The following REEP3 variants were observed in gnomAD, a reference collection of about 807,000 sequenced individuals.
The protein encoded by REEP3 is receptor accessory protein 3.
REEP3 carries 20 observed loss-of-function variants against 41.3 expected under a neutral mutation model. The observed-to-expected ratio is 0.48, with a 90% CI of 0.34 to 0.70. The LOEUF (loss-of-function observed/expected upper bound fraction) is 0.70. REEP3 is among the 30% of genes least tolerant of loss of function. The pLI, the probability that REEP3 is intolerant of heterozygous loss-of-function variation, is 0.01. For missense variants in REEP3, 271 were observed against 308.8 expected (o/e 0.88, Z 0.92); for synonymous variants, 104 against 101.8 (o/e 1.02, Z -0.13).
At chr10:63,595,664 C>T (rs1250706567) in intron 3 of REEP3, among the ~76,000 whole-genome samples, 2 of 152,026 alleles carry the variant, frequency 1.3e-5, no homozygotes. Context: ...GCAACCTCTA[C>T]CTCCCGGGTT....
intron 1 of REEP3, among the ~76,000 whole-genome samples, chr10:63,552,402 C>T (rs1000071449): frequency 2.0e-5 from 3 of 151,964 alleles, no homozygotes; most frequent in Non-Finnish European, 4.4e-5. Context: ...CAGAGCAAGA[C>T]TCCGTCTCAA....
chr10:63,597,933 T>G, intron 3 of REEP3, 91 bp from the exon 4 acceptor site: 1 of 1,063,942 alleles, frequency 9.4e-7, no homozygotes, highest in Non-Finnish European at 1.3e-6. Context: ...AAAAACAGCA[T>G]AGTGACTGAA....
At chr10:63,562,894 C>G (rs1466884824) in intron 1 of REEP3, 4 of 456,058 alleles carry the variant, frequency 8.8e-6, no homozygotes, top group Non-Finnish European at 1.8e-5. Flanking sequence ...TAACCCCCTG[C>G]GCATCAGAAT....
chr10:63,579,904 G>T (rs558586948), intron 2 of REEP3, among the ~76,000 whole-genome samples: 142 of 152,262 alleles, frequency 9.3e-4, no homozygotes, highest in African/African-American at 3.4e-3. Context: ...CACCCTCACT[G>T]CAGGGAGACC....
intron 2 of REEP3, among the ~76,000 whole-genome samples, chr10:63,593,756 A>G (rs1374210944): frequency 6.6e-6 from 1 of 152,226 alleles, no homozygotes; most frequent in African/African-American, 2.4e-5. Context: ...ATAGGTCCCA[A>G]GAGAAGGCAG....
chr10:63,593,061 C>A (rs1956080134), intron 2 of REEP3, among the ~76,000 whole-genome samples: 1 of 152,198 alleles, frequency 6.6e-6, no homozygotes, highest in South Asian at 2.1e-4. Flanking sequence ...CGCCTGTAAT[C>A]CCAGCACTTC....
intron 2 of REEP3, among the ~76,000 whole-genome samples, chr10:63,584,641 G>A (rs1360144546): frequency 6.6e-6 from 1 of 151,900 alleles, no homozygotes; most frequent in Non-Finnish European, 1.5e-5. Context: ...TGGAGTGGGG[G>A]GGGAATCATT....
At chr10:63,549,940 A>G (rs76545709) in intron 1 of REEP3, among the ~76,000 whole-genome samples, 51 of 152,284 alleles carry the variant, frequency 3.3e-4, no homozygotes, top group African/African-American at 1.1e-3. Context: ...GTGCTTTTCA[A>G]ATTATGTTCT....
chr10:63,574,700 G>A (rs893291039), intron 2 of REEP3, among the ~76,000 whole-genome samples: 1 of 151,936 alleles, frequency 6.6e-6, no homozygotes, highest in Non-Finnish European at 1.5e-5. Context: ...TTCTTACTCT[G>A]TATCCAGACC....
At chr10:63,537,644 C>T (rs1163948953) in intron 1 of REEP3, among the ~76,000 whole-genome samples, 1 of 152,124 alleles carries the variant, frequency 6.6e-6, no homozygotes, top group Non-Finnish European at 1.5e-5. Context: ...CTTAGAGAAG[C>T]AGGGAGCAGG....
intron 5 of REEP3, among the ~76,000 whole-genome samples, chr10:63,602,914 C>G (rs1436840265): frequency 2.0e-5 from 3 of 152,158 alleles, no homozygotes; most frequent in African/African-American, 7.2e-5. Context: ...TAGCCCTCAC[C>G]TGCACAATCT....
chr10:63,595,557 G>A (rs1411258109), intron 3 of REEP3, among the ~76,000 whole-genome samples: 3 of 151,798 alleles, frequency 2.0e-5, no homozygotes, highest in Non-Finnish European at 4.4e-5. Flanking sequence ...GTCTAAATTA[G>A]CCTAACAATT....
chr10:63,606,219 T>TAGG (rs1956223710), intron 5 of REEP3: 1 of 268,640 alleles, frequency 3.7e-6, no homozygotes, highest in Non-Finnish European at 5.7e-6. Flanking sequence ...CTTTATTGAC[T>TAGG]AAGACCGCTG....
At position 63,584,637 on chromosome 10, in the gene REEP3, G is replaced by T. The variant is rs12765951; in HGVS notation, c.106-10141G>T. On this transcript the variant is annotated intron_variant, in intron 2 of 7. Transcript: ENST00000373758. ...TCCTCTTTGTTTTTAATGATGGAGT[G>T]GGGGGGGAATCATTATGAAGTAACC... is the stretch of plus-strand genomic sequence containing the variant. Among the ~76,000 whole-genome samples, 63 of 148,222 alleles carry T rather than the reference G, an allele frequency of 4.3e-4. 1 individual carries two copies. The highest frequency in any genetic ancestry group is 1.3e-3 in the African/African-American group (54 of 40,740).
chr10:63,539,607 A>G (rs1955508301), intron 1 of REEP3, among the ~76,000 whole-genome samples: 3 of 152,188 alleles, frequency 2.0e-5, no homozygotes, highest in Admixed American at 1.3e-4. Flanking sequence ...AGCCTGGGCA[A>G]CATAGCAAGA....
chr10:63,546,518 A>T (rs537799413), intron 1 of REEP3, among the ~76,000 whole-genome samples: 2 of 152,374 alleles, frequency 1.3e-5, no homozygotes, highest in East Asian at 3.9e-4. Context: ...AGGGCCAAGA[A>T]TAGTCAAGAC....
At chr10:63,556,544 G>A (rs925209261) in intron 1 of REEP3, among the ~76,000 whole-genome samples, 2 of 151,094 alleles carry the variant, frequency 1.3e-5, no homozygotes, top group African/African-American at 4.9e-5. Flanking sequence ...AATTTTACAT[G>A]AAATCATTTT....
intron 1 of REEP3, among the ~76,000 whole-genome samples, chr10:63,564,693 T>C (rs1036788793): frequency 6.6e-5 from 10 of 152,118 alleles, no homozygotes; most frequent in African/African-American, 2.4e-4. Flanking sequence ...CTTGCAATTT[T>C]TTTTTTTCCT....
chr10:63,600,919 C>T (rs1031370064), intron 5 of REEP3, among the ~76,000 whole-genome samples: 4 of 151,764 alleles, frequency 2.6e-5, no homozygotes, highest in African/African-American at 7.3e-5. Flanking sequence ...TTTGGGAGGC[C>T]GAGGCAGATG....
Sources: allele counts gnomAD v4.1 joint callset (sites outside exome capture counted in the v4.1 genomes callset), GRCh38; gene constraint gnomAD v4.1.1; transcripts MANE v1.5; gene names NCBI Gene and HGNC (gene_info 2026-07-23, HGNC 2026-07-21).